The following FILIP1 variants were observed in gnomAD, a reference collection of about 807,000 sequenced individuals.
FILIP1 encodes filamin-A-interacting protein 1.
A neutral mutation model predicts 102.1 loss-of-function variants in FILIP1; 61 were observed. The observed-to-expected ratio is 0.60, with a 90% CI of 0.49 to 0.74. FILIP1 has a LOEUF of 0.74. FILIP1 is among the 30% of genes least tolerant of loss of function. The pLI is 0.00. For missense variants in FILIP1, 1,314 were observed against 1,441.2 expected (o/e 0.91, Z 1.43); for synonymous variants, 491 against 526.9 (o/e 0.93, Z 0.93).
chr6:75,457,497 T>C (rs764205596), intron 1 of FILIP1, among the ~76,000 whole-genome samples: 41 of 152,164 alleles, frequency 2.7e-4, no homozygotes, highest in Non-Finnish European at 4.6e-4. Context: ...CTGAAAAGAT[T>C]ATCCTTCACC....
chr6:75,411,287 G>C (rs1374265297), intron 2 of FILIP1, among the ~76,000 whole-genome samples: 2 of 152,098 alleles, frequency 1.3e-5, no homozygotes, highest in African/African-American at 4.8e-5. Context: ...TTGTAAACTT[G>C]TTTAAGTTCC....
intron 4 of FILIP1, among the ~76,000 whole-genome samples, chr6:75,338,988 C>T (rs141866468): frequency 1.0e-3 from 153 of 152,264 alleles, no homozygotes; most frequent in Non-Finnish European, 1.6e-3. Context: ...TAGGAGACTT[C>T]GATTTTGCAT....
chr6:75,372,497 G>A (rs1465128200), intron 2 of FILIP1, among the ~76,000 whole-genome samples: 1 of 149,782 alleles, frequency 6.7e-6, no homozygotes, highest in African/African-American at 2.5e-5. Context: ...ATATACAAGT[G>A]GCCAAAAAGC....
At chr6:75,353,783 T>A (rs1774894540) in intron 3 of FILIP1, 66 bp from the exon 4 acceptor site, 1 of 1,519,458 alleles carries the variant, frequency 6.6e-7, no homozygotes, top group Non-Finnish European at 8.9e-7. Context: ...CTAAATAATT[T>A]GTTGACATGG....
In FILIP1 at chr6:75,414,692, T is replaced by C. The variant is rs1165642605; in HGVS notation, c.276+5A>G. ...ACAATAACAGTTGGGAAAGTTTGAC[T>C]CTACCTGCAACTCCCCTTCCATTAT... On this transcript the variant is annotated splice_donor_5th_base_variant and intron_variant, in intron 2 of 5. Transcript: ENST00000237172. 1 of 1,608,748 alleles carries C rather than the reference T, an allele frequency of 6.2e-7. No individual in the cohort carries two copies. The highest frequency in any genetic ancestry group is 1.1e-5 in the South Asian group (1 of 90,202).
At chr6:75,332,980 T>C (rs2149580391) in intron 4 of FILIP1, among the ~76,000 whole-genome samples, 1 of 152,346 alleles carries the variant, frequency 6.6e-6, no homozygotes, top group South Asian at 2.1e-4. Flanking sequence ...CATAAAAGTA[T>C]TTTACTGTAA....
intron 1 of FILIP1, among the ~76,000 whole-genome samples, chr6:75,477,054 A>G (rs1779494530): frequency 6.6e-6 from 1 of 152,226 alleles, no homozygotes. Flanking sequence ...TGGTTAAAAA[A>G]ATTATCCCTG....
At chr6:75,347,011 G>A (rs1582377534) in intron 4 of FILIP1, among the ~76,000 whole-genome samples, 1 of 29,136 alleles carries the variant, frequency 3.4e-5, no homozygotes, top group Non-Finnish European at 1.0e-4. Context: ...ATGACCAAGT[G>A]AAGGTCTGTG....
At chr6:75,439,868 T>C (rs934519777) in intron 1 of FILIP1, among the ~76,000 whole-genome samples, 2 of 152,156 alleles carry the variant, frequency 1.3e-5, no homozygotes, top group Non-Finnish European at 2.9e-5. Flanking sequence ...AGAGGGAAAA[T>C]AAATCAGCAA....
intron 2 of FILIP1, among the ~76,000 whole-genome samples, chr6:75,369,279 T>G (rs1386669263): frequency 2.0e-5 from 3 of 152,190 alleles, no homozygotes; most frequent in African/African-American, 7.2e-5. Context: ...TGTCCCAGAT[T>G]GTGTGAGACT....
At chr6:75,323,993 C>T (rs548255235) in intron 4 of FILIP1, among the ~76,000 whole-genome samples, 126 of 152,210 alleles carry the variant, frequency 8.3e-4, no homozygotes, top group African/African-American at 2.8e-3. Flanking sequence ...TGAGGCCTCC[C>T]CAGGCCTGCA....
At chr6:75,413,372 G>A (rs373619893) in intron 2 of FILIP1, among the ~76,000 whole-genome samples, 17 of 152,194 alleles carry the variant, frequency 1.1e-4, no homozygotes, top group African/African-American at 3.6e-4. Flanking sequence ...TTCTGGGAGT[G>A]GTGAAGCTAT....
At chr6:75,375,261 G>A (rs1251547438) in intron 2 of FILIP1, among the ~76,000 whole-genome samples, 3 of 152,212 alleles carry the variant, frequency 2.0e-5, no homozygotes, top group Non-Finnish European at 2.9e-5. Flanking sequence ...AGCAGTAAGC[G>A]GGGAAGGTGG....
intron 2 of FILIP1, among the ~76,000 whole-genome samples, chr6:75,378,515 A>G (rs1775810921): frequency 6.6e-6 from 1 of 152,188 alleles, no homozygotes; most frequent in Admixed American, 6.5e-5. Flanking sequence ...TGATTTAGGG[A>G]TTACAAATAA....
chr6:75,321,951 A>G (rs1234191756), intron 4 of FILIP1, among the ~76,000 whole-genome samples: 1 of 152,190 alleles, frequency 6.6e-6, no homozygotes, highest in Admixed American at 6.5e-5. Flanking sequence ...GTGCAGAGAG[A>G]GAAGAGGAGA....
chr6:75,372,300 G>C (rs1775546113), intron 2 of FILIP1, among the ~76,000 whole-genome samples: 1 of 150,354 alleles, frequency 6.7e-6, no homozygotes, highest in Admixed American at 6.6e-5. Context: ...TTGGGATGTG[G>C]AGGTTGCGAT....
In FILIP1 at chr6:75,308,773, C is replaced by T. The variant is rs148016136; in HGVS notation, c.3560G>A (p.Arg1187Gln). 1.3e-5 allele frequency: 21 copies of T among 1,613,830 alleles called. No individual in the cohort carries two copies. The African/African-American group carries it at 2.7e-4, about 21-fold the overall frequency. ...TATTTTCATAGACTGAGTCTCAGCT[C>T]GAGGCTCGAATTTGGTCAGATTTCC... ...GAGNLTKFEP[R>Q]AETQSMKIEL... is the part of the protein sequence containing the mutation. Residue 1187 changes from arginine to glutamine, a missense_variant, in exon 6 of 6, where the codon CGA (arginine) becomes CAA (glutamine). Transcript: ENST00000237172.
At chr6:75,401,911 A>C (rs1390172935) in intron 2 of FILIP1, among the ~76,000 whole-genome samples, 1 of 152,206 alleles carries the variant, frequency 6.6e-6, no homozygotes, top group African/African-American at 2.4e-5. Context: ...ATATTTGTAC[A>C]GGTAAGTTGT....
downstream of FILIP1, among the ~76,000 whole-genome samples, chr6:75,303,749 G>A (rs907149690): frequency 2.6e-5 from 4 of 151,552 alleles, no homozygotes; most frequent in East Asian, 1.9e-4. Context: ...TAAAGAGAAA[G>A]AGGGAGAGAG....
Sources: gnomAD v4.1 joint callset for allele counts (sites outside exome capture counted in the v4.1 genomes callset) on GRCh38, gnomAD v4.1.1 for gene constraint, MANE v1.5 for transcripts, NCBI Gene and HGNC (gene_info 2026-07-23, HGNC 2026-07-21) for gene names.